ARHGAP22: variants seen among roughly 807,000 people sequenced by gnomAD.
The protein encoded by ARHGAP22 is Rho GTPase activating protein 22.
A neutral mutation model predicts 59.1 loss-of-function variants in ARHGAP22; 48 were observed. That is an observed-to-expected ratio of 0.81 (90% CI 0.64 to 1.03). ARHGAP22 has a LOEUF of 1.03. Among genes scored for constraint, ARHGAP22 ranks in the 50% least tolerant of loss-of-function variants. The pLI, the probability that ARHGAP22 is intolerant of heterozygous loss-of-function variation, is 0.00. For synonymous variants in ARHGAP22, 445 were observed against 416.4 expected (o/e 1.07, Z -0.84); for missense variants, 1,015 against 958.7 (o/e 1.06, Z -0.78).
chr10:48,636,983 C>T (rs938137813), intron 1 of ARHGAP22, among the ~76,000 whole-genome samples: 4 of 152,178 alleles, frequency 2.6e-5, no homozygotes, highest in African/African-American at 7.2e-5. Context: ...TCATGATGGC[C>T]AGGACTTTAG....
intron 9 of ARHGAP22, among the ~76,000 whole-genome samples, chr10:48,447,028 A>G (rs1348523427): frequency 6.6e-6 from 1 of 151,944 alleles, no homozygotes; most frequent in African/African-American, 2.4e-5. Flanking sequence ...AGCTCCCTGC[A>G]GCTCCCCACA....
In ARHGAP22 at chr10:48,451,079, C is replaced by A; in HGVS notation, c.1050G>T (p.Thr350=). ...AGGTGGGCCCTTCCGGGACCGGTGC[C>A]GTGAAGAGCTGGCTGTGTTTGCGGA... The part of the protein sequence containing the change: ...VLIRKHSQLF[T]APVPEGPTSP... Residue 350 remains threonine, a synonymous_variant, in exon 9 of 10, where the codon ACG becomes ACT. Coordinates refer to ENST00000249601, the MANE Select transcript of ARHGAP22 (RefSeq NM_021226.4). The A allele has an allele frequency of 6.4e-7, 1 of 1,552,670 alleles. No individual in the cohort carries two copies. The highest frequency in any genetic ancestry group is 1.2e-5 in the South Asian group (1 of 84,162).
chr10:48,463,640 C>G (rs567981954), intron 4 of ARHGAP22, among the ~76,000 whole-genome samples: 19 of 152,348 alleles, frequency 1.2e-4, no homozygotes, highest in Non-Finnish European at 1.5e-4. Context: ...GCAAATTTCC[C>G]ACTAGCCCTT....
chr10:48,601,587 C>T (rs1307650163), intron 1 of ARHGAP22, among the ~76,000 whole-genome samples: 1 of 152,108 alleles, frequency 6.6e-6, no homozygotes, highest in Non-Finnish European at 1.5e-5. Flanking sequence ...ACCCTTTCCC[C>T]CCACCATCCA....
chr10:48,481,533 C>A lies in ARHGAP22; in HGVS notation c.323-1769G>T, dbSNP rs73296235. ...TGAAAATTATTTTCCCTGAAGAGGGCCACCCAAGTCACACAAGCTTCAGGC... is the reference window on the plus strand; with the variant it reads ...TGAAAATTATTTTCCCTGAAGAGGGACACCCAAGTCACACAAGCTTCAGGC... On this transcript the variant is annotated intron_variant, in intron 3 of 9. Transcript: ENST00000249601. Among the ~76,000 whole-genome samples the A allele has an allele frequency of 8.5e-3, 1,298 of 152,238 alleles. 16 individuals carry two copies. The highest frequency in any genetic ancestry group is 0.029 in the African/African-American group (1,206 of 41,530).
At chr10:48,634,557 C>A (rs1332691202) in intron 1 of ARHGAP22, among the ~76,000 whole-genome samples, 2 of 152,152 alleles carry the variant, frequency 1.3e-5, no homozygotes, top group African/African-American at 4.8e-5. Context: ...GGTGGGTGAG[C>A]CTGGGCTTCC....
upstream of ARHGAP22, chr10:48,656,042 C>G (rs2062796538): frequency 1.3e-5 from 2 of 152,226 alleles, no homozygotes; most frequent in African/African-American, 4.8e-5. Flanking sequence ...CAGGGCCAGC[C>G]GTCTCCTCCC....
intron 2 of ARHGAP22, among the ~76,000 whole-genome samples, chr10:48,561,541 G>A (rs2135393379): frequency 6.6e-6 from 1 of 152,222 alleles, no homozygotes; most frequent in East Asian, 1.9e-4. Context: ...CATTAAGAGA[G>A]TGAAAAGACA....
chr10:48,433,319 A>G, the ARHGAP22 span, among the ~76,000 whole-genome samples: 3 of 152,242 alleles, frequency 2.0e-5, no homozygotes, highest in South Asian at 6.2e-4. Context: ...AGGCATATAT[A>G]AAAATTGTAT....
chr10:48,464,047 C>A (rs191613784), intron 4 of ARHGAP22, among the ~76,000 whole-genome samples: 1 of 152,214 alleles, frequency 6.6e-6, no homozygotes, highest in Non-Finnish European at 1.5e-5. Context: ...TCTCCTACCC[C>A]CAAAACTCCT....
At chr10:48,579,850 T>C (rs2059000563) in intron 2 of ARHGAP22, among the ~76,000 whole-genome samples, 1 of 152,184 alleles carries the variant, frequency 6.6e-6, no homozygotes, top group Non-Finnish European at 1.5e-5. Context: ...TGAGAATTAG[T>C]CTATTACATG....
At chr10:48,436,362 T>C in the ARHGAP22 span, 13 of 152,228 alleles carry the variant, frequency 8.5e-5, no homozygotes, top group African/African-American at 2.7e-4. Flanking sequence ...ACTGTTTACA[T>C]TTTCTATCTG....
intron 3 of ARHGAP22, 85 bp downstream of exon 3, chr10:48,555,378 G>A: frequency 3.2e-6 from 3 of 945,674 alleles, no homozygotes; most frequent in South Asian, 1.6e-5. Flanking sequence ...TGCGGGAGGA[G>A]TGTCACGAAG....
chr10:48,625,048 T>C (rs2061402271), intron 1 of ARHGAP22: 2 of 152,176 alleles, frequency 1.3e-5, no homozygotes, highest in African/African-American at 4.8e-5. Flanking sequence ...ACTTAGATTT[T>C]GGGGCCCAAG....
intron 1 of ARHGAP22, among the ~76,000 whole-genome samples, chr10:48,643,232 TTACTGGGTATA>T (rs2062130033): frequency 6.6e-6 from 1 of 152,172 alleles, no homozygotes; most frequent in African/African-American, 2.4e-5. Flanking sequence ...AGCCATCCCA[TTACTGGGTATA>T]TACCCAAAGG....
intron 2 of ARHGAP22, among the ~76,000 whole-genome samples, chr10:48,577,703 A>T (rs79478122): frequency 8.5e-5 from 3 of 35,094 alleles, no homozygotes; most frequent in African/African-American, 3.0e-4. Context: ...ATTCTCAGAG[A>T]ATACATACAA....
intron 2 of ARHGAP22, among the ~76,000 whole-genome samples, chr10:48,557,337 G>A (rs1373786): frequency 0.87 from 132,381 of 152,102 alleles, 58,729 homozygotes; most frequent in East Asian, 0.99. Context: ...TCTGTCATCC[G>A]TACAAGGAGA....
At chr10:48,451,855 A>C (rs1327236352) in intron 8 of ARHGAP22, among the ~76,000 whole-genome samples, 1 of 149,440 alleles carries the variant, frequency 6.7e-6, no homozygotes, top group Non-Finnish European at 1.5e-5. Flanking sequence ...AGTTTCCCCA[A>C]AGCCCCTACA....
intron 1 of ARHGAP22, among the ~76,000 whole-genome samples, chr10:48,610,755 C>A (rs982730871): frequency 3.9e-5 from 6 of 152,096 alleles, no homozygotes; most frequent in Admixed American, 3.9e-4. Flanking sequence ...AGCAGATGAC[C>A]CGCTGGAGGG....
Sources: allele counts gnomAD v4.1 joint callset (sites outside exome capture counted in the v4.1 genomes callset), GRCh38; gene constraint gnomAD v4.1.1; transcripts MANE v1.5; gene names NCBI Gene and HGNC (gene_info 2026-07-23, HGNC 2026-07-21).